The following MAP4K3 variants were observed in gnomAD, a reference collection of about 807,000 sequenced individuals.
MAP4K3 encodes the protein mitogen-activated protein kinase kinase kinase kinase 3, also known as MAPK/ERK kinase kinase kinase 3.
A neutral mutation model predicts 143.5 loss-of-function variants in MAP4K3; 94 were observed. The observed-to-expected ratio is 0.65, with a 90% CI of 0.55 to 0.78. The LOEUF is 0.78. Among genes scored for constraint, MAP4K3 ranks in the 30% least tolerant of loss-of-function variants. The probability of loss-of-function intolerance (pLI) is 0.00; values close to 1 mark genes in which losing one functional copy is unlikely to be tolerated. For missense variants in MAP4K3, 1,077 were observed against 1,068.1 expected (o/e 1.01, Z -0.12); for synonymous variants, 416 against 347.2 (o/e 1.20, Z -2.20).
At position 39,325,979 on chromosome 2, in the gene MAP4K3, C is replaced by A. The variant is rs1683478237; in HGVS notation, c.663-18G>T. 6.4e-7 allele frequency: 1 copy of A among 1,563,270 alleles called. No individual in the cohort carries two copies. Among genetic ancestry groups the A allele is most frequent in the Non-Finnish European group, 8.7e-7 (1 of 1,143,526 alleles). On this transcript the variant is annotated intron_variant, in intron 9 of 33. Transcript: ENST00000263881. ...ATAATGCTCTGAAAAATCAACAAAT[C>A]ATTACACAGCATTTTAATATTTCAC...
chr2:39,253,174 C>G (rs1680213292), intron 32 of MAP4K3, among the ~76,000 whole-genome samples: 1 of 152,188 alleles, frequency 6.6e-6, no homozygotes, highest in African/African-American at 2.4e-5. Context: ...GTTCTGTCGC[C>G]AGGCTGGAGT....
intron 8 of MAP4K3, among the ~76,000 whole-genome samples, chr2:39,327,417 A>G (rs1269513884): frequency 6.6e-6 from 1 of 152,184 alleles, no homozygotes; most frequent in Non-Finnish European, 1.5e-5. Context: ...CTACAGTCTT[A>G]TTCTAATTAT....
At chr2:39,402,287 G>C (rs1666972383) in intron 1 of MAP4K3, among the ~76,000 whole-genome samples, 1 of 152,158 alleles carries the variant, frequency 6.6e-6, no homozygotes, top group Non-Finnish European at 1.5e-5. Flanking sequence ...TCAGTTAGTT[G>C]TGGGATAACT....
intron 1 of MAP4K3, among the ~76,000 whole-genome samples, chr2:39,425,561 A>C (rs935536211): frequency 5.9e-5 from 9 of 152,160 alleles, no homozygotes; most frequent in African/African-American, 2.2e-4. Context: ...ACCAGAAAGT[A>C]TGCCCTCTCT....
chr2:39,374,636 C>T (rs535664325), intron 2 of MAP4K3, among the ~76,000 whole-genome samples: 8 of 151,900 alleles, frequency 5.3e-5, no homozygotes, highest in Admixed American at 2.0e-4. Flanking sequence ...AAGCTGAGAT[C>T]GGGCCACTGC....
At chr2:39,398,300 A>AT (rs990085657) in intron 1 of MAP4K3, among the ~76,000 whole-genome samples, 1 of 152,152 alleles carries the variant, frequency 6.6e-6, no homozygotes, top group African/African-American at 2.4e-5. Flanking sequence ...TAGTAAAAAA[A>AT]GAAAAAAAAA....
chr2:39,424,126 T>A (rs899859965), intron 1 of MAP4K3, among the ~76,000 whole-genome samples: 2 of 152,102 alleles, frequency 1.3e-5, no homozygotes, highest in African/African-American at 4.8e-5. Flanking sequence ...ATATTTTTCG[T>A]AGAGACAGGG....
chr2:39,320,533 T>A (rs1000025140), intron 12 of MAP4K3, among the ~76,000 whole-genome samples: 7 of 152,176 alleles, frequency 4.6e-5, no homozygotes, highest in African/African-American at 1.7e-4. Flanking sequence ...TTTATGTTTT[T>A]TTCTTGGAGG....
intron 1 of MAP4K3, among the ~76,000 whole-genome samples, chr2:39,423,029 T>TG (rs1664932344): frequency 6.6e-6 from 1 of 152,096 alleles, no homozygotes; most frequent in Non-Finnish European, 1.5e-5. Context: ...AACATATATC[T>TG]GATAGAGGAC....
intron 1 of MAP4K3, among the ~76,000 whole-genome samples, chr2:39,403,039 CAATCTATAGTT>C (rs1158600561): frequency 6.6e-6 from 1 of 152,156 alleles, no homozygotes; most frequent in African/African-American, 2.4e-5. Context: ...AAAAGAAACT[CAATCTATAGTT>C]TAAAATGCCC....
chr2:39,297,816 T>A (rs1298187182), intron 16 of MAP4K3, among the ~76,000 whole-genome samples: 1 of 152,174 alleles, frequency 6.6e-6, no homozygotes, highest in African/African-American at 2.4e-5. Flanking sequence ...CAACCTACCT[T>A]GCCAAGGGTT....
intron 1 of MAP4K3, among the ~76,000 whole-genome samples, chr2:39,402,268 C>G (rs1002230147): frequency 6.6e-6 from 1 of 152,060 alleles, no homozygotes; most frequent in Non-Finnish European, 1.5e-5. Context: ...AAAAAATGAA[C>G]AGAGAGCATC....
At chr2:39,396,359 T>C (rs987393501) in intron 1 of MAP4K3, among the ~76,000 whole-genome samples, 2 of 152,152 alleles carry the variant, frequency 1.3e-5, no homozygotes, top group African/African-American at 2.4e-5. Flanking sequence ...TGTATACCAA[T>C]AGCTTAATAT....
At chr2:39,289,911 C>T (rs1216538854) in intron 19 of MAP4K3, among the ~76,000 whole-genome samples, 1 of 151,918 alleles carries the variant, frequency 6.6e-6, no homozygotes, top group Non-Finnish European at 1.5e-5. Context: ...ATGGCAAAAC[C>T]CAGTCTCTAC....
At chr2:39,362,023 C>T (rs1558666257) in intron 2 of MAP4K3, among the ~76,000 whole-genome samples, 1 of 151,970 alleles carries the variant, frequency 6.6e-6, no homozygotes, top group East Asian at 1.9e-4. Context: ...ACAGCAAGTA[C>T]CTTATGAATT....
At chr2:39,418,073 C>T (rs1244647438) in intron 1 of MAP4K3, among the ~76,000 whole-genome samples, 1 of 151,978 alleles carries the variant, frequency 6.6e-6, no homozygotes, top group Admixed American at 6.6e-5. Context: ...TGTGGTGGCG[C>T]GTGCCTGTAG....
chr2:39,264,082 G>A (rs903921233), intron 28 of MAP4K3, among the ~76,000 whole-genome samples: 2 of 152,110 alleles, frequency 1.3e-5, no homozygotes, highest in African/African-American at 4.8e-5. Flanking sequence ...AAAATAGCCT[G>A]AAGAAAGAAA....
chr2:39,354,677 A>C (rs191223708), intron 3 of MAP4K3, among the ~76,000 whole-genome samples: 11,046 of 151,870 alleles, frequency 0.073, 1,288 homozygotes, highest in African/African-American at 0.25. Flanking sequence ...AACAAACAAA[A>C]AAAAAACAAA....
chr2:39,428,831 A>T (rs1380998796), intron 1 of MAP4K3, among the ~76,000 whole-genome samples: 3 of 151,574 alleles, frequency 2.0e-5, no homozygotes, highest in African/African-American at 7.3e-5. Context: ...GCACCTTGGG[A>T]GGCTGAGGCG....
Sources: allele counts gnomAD v4.1 joint callset (sites outside exome capture counted in the v4.1 genomes callset), GRCh38; gene constraint gnomAD v4.1.1; transcripts MANE v1.5; gene names NCBI Gene and HGNC (gene_info 2026-07-23, HGNC 2026-07-21).